RASGEF1A: variants seen among roughly 807,000 people sequenced by gnomAD.
The protein encoded by RASGEF1A is RasGEF domain family member 1A, also known as ras-GEF domain-containing family member 1A.
Under a neutral mutation model 56.4 loss-of-function variants are expected in RASGEF1A, and 18 were observed. The ratio of observed to expected loss-of-function variants is 0.32; its 90% CI spans 0.22 to 0.47. RASGEF1A has a LOEUF of 0.47. RASGEF1A is among the 20% of genes least tolerant of loss of function. The pLI is 1.00. For synonymous variants in RASGEF1A, 245 were observed against 242.6 expected (o/e 1.01, Z -0.09); for missense variants, 422 against 627.1 (o/e 0.67, Z 3.49).
chr10:43,257,314 C>T (rs191234612), intron 1 of RASGEF1A, among the ~76,000 whole-genome samples: 36 of 152,362 alleles, frequency 2.4e-4, no homozygotes, highest in Non-Finnish European at 5.0e-4. Context: ...GATTTGCATG[C>T]CCACCCTGGG....
intron 1 of RASGEF1A, among the ~76,000 whole-genome samples, chr10:43,238,181 A>C (rs546868264): frequency 6.7e-6 from 1 of 148,206 alleles, no homozygotes. Context: ...CAGGAGGGTT[A>C]GCCATGTCGA....
rs996974481 is a variant in RASGEF1A at position 43,229,504 on chromosome 10, G to A, written c.-6-23382C>T. 25 of 654,384 alleles carry A rather than the reference G, an allele frequency of 3.8e-5. No homozygotes were observed. In the African/African-American group the frequency reaches 4.6e-4, roughly 12 times the overall value. 40.5% of individuals were successfully genotyped at this position (654,384 alleles called of 1,614,324 possible). On this transcript the variant is annotated intron_variant, in intron 1 of 12. Coordinates refer to ENST00000395810, the MANE Select transcript of RASGEF1A (RefSeq NM_145313.4). ...GTGCTCCAGCGGGGACGCACAGAGG[G>A]CGGCGCGCGGGTCCTCAGGGCGGGC...
At position 43,196,646 on chromosome 10, in the gene RASGEF1A, G is replaced by T; in HGVS notation, c.1349-98C>A. The T allele has an allele frequency of 1.7e-6, 2 of 1,149,996 alleles. No homozygotes were observed. The highest frequency in any genetic ancestry group is 2.6e-6 in the Non-Finnish European group (2 of 771,602). The allele number at this position is 1,149,996 out of a possible 1,614,324, so 71.2% of individuals were successfully genotyped here. A position where few individuals can be genotyped will look rare whatever the true frequency, so the allele number is the denominator to read the frequency against. On this transcript the variant is annotated intron_variant, in intron 11 of 12. Transcript: ENST00000395810. This position sits in a 1 kb window ranked among gnomAD's most constrained non-coding sequence, Gnocchi z 4.6. ...GAGTACAGCCCAGCACAAGGGGACA[G>T]TGACCTCTGGCTGGGCTGAACACAG...
intron 1 of RASGEF1A, among the ~76,000 whole-genome samples, chr10:43,246,014 T>C (rs1840563807): frequency 6.6e-6 from 1 of 152,010 alleles, no homozygotes; most frequent in South Asian, 2.1e-4. Context: ...TCCTAAGAAA[T>C]ACACATACAC....
chr10:43,203,704 C>T (rs1839949728), intron 2 of RASGEF1A: 2 of 1,176,656 alleles, frequency 1.7e-6, no homozygotes, highest in East Asian at 1.2e-4. Context: ...CTCTGCCCCA[C>T]GCCACCATAG....
intron 1 of RASGEF1A, among the ~76,000 whole-genome samples, chr10:43,226,064 C>T (rs1315115431): frequency 6.6e-6 from 1 of 152,232 alleles, no homozygotes; most frequent in Non-Finnish European, 1.5e-5. Flanking sequence ...GACCACAAGA[C>T]ACCAGCTTTG....
At position 43,266,847 on chromosome 10, in the gene RASGEF1A, C is replaced by T. The variant is rs1184272902; in HGVS notation, c.-9G>A. ...GAGGGTCCGCGGCCGCTGCCTACCT[C>T]GGTCCGGGCCAGCGTCGCTCCCGCG... On this transcript the variant is annotated splice_region_variant and 5_prime_UTR_variant, in exon 1 of 13. Transcript: ENST00000395810. 6.9e-6 allele frequency: 1 copy of T among 145,946 alleles called. No homozygotes were observed. Among genetic ancestry groups the T allele is most frequent in the Non-Finnish European group, 1.5e-5 (1 of 65,770 alleles). 9.0% of individuals were successfully genotyped at this position (145,946 alleles called of 1,614,324 possible). A position where few individuals can be genotyped will look rare whatever the true frequency, so the allele number is the denominator to read the frequency against.
At chr10:43,217,520 T>G (rs137918476) in intron 1 of RASGEF1A, among the ~76,000 whole-genome samples, 104 of 152,360 alleles carry the variant, frequency 6.8e-4, no homozygotes, top group African/African-American at 2.4e-3. Context: ...CTACCACACC[T>G]AGGTCCTCCC....
intron 9 of RASGEF1A, among the ~76,000 whole-genome samples, chr10:43,198,531 T>G (rs1839837940): frequency 2.0e-5 from 3 of 152,194 alleles, no homozygotes; most frequent in Admixed American, 2.0e-4. Context: ...ACAAGACACA[T>G]GCTTTGCAAA....
At chr10:43,218,210 A>T (rs565428312) in intron 1 of RASGEF1A, among the ~76,000 whole-genome samples, 1 of 152,292 alleles carries the variant, frequency 6.6e-6, no homozygotes, top group African/African-American at 2.4e-5. Context: ...GCCTCCCTAG[A>T]CACACAGCTC....
chr10:43,250,258 G>T (rs1356290477), intron 1 of RASGEF1A, among the ~76,000 whole-genome samples: 1 of 152,220 alleles, frequency 6.6e-6, no homozygotes, highest in South Asian at 2.1e-4. Context: ...ACTACAGCTG[G>T]GGAGAGGAGG....
chr10:43,205,115 G>A (rs1839974501), intron 2 of RASGEF1A, among the ~76,000 whole-genome samples: 1 of 152,200 alleles, frequency 6.6e-6, no homozygotes, highest in South Asian at 2.1e-4. Context: ...GGAAGCTAGA[G>A]GGCAGCATCC....
chr10:43,226,046 G>C (rs976070649), intron 1 of RASGEF1A, among the ~76,000 whole-genome samples: 1 of 152,162 alleles, frequency 6.6e-6, no homozygotes, highest in Non-Finnish European at 1.5e-5. Flanking sequence ...GTTATTCCCC[G>C]AGGCTGAGAC....
At chr10:43,202,925 A>C (rs1839928174) in intron 3 of RASGEF1A, among the ~76,000 whole-genome samples, 1 of 64,848 alleles carries the variant, frequency 1.5e-5, no homozygotes. Flanking sequence ...CAGCCAGGCC[A>C]TGCCTAACCC....
chr10:43,253,934 C>T (rs1186756360), intron 1 of RASGEF1A, among the ~76,000 whole-genome samples: 4 of 152,216 alleles, frequency 2.6e-5, no homozygotes, highest in Non-Finnish European at 4.4e-5. Context: ...TGGCCACAGG[C>T]ACAGACCACA....
chr10:43,256,850 G>C (rs1029099331), intron 1 of RASGEF1A, among the ~76,000 whole-genome samples: 9 of 152,154 alleles, frequency 5.9e-5, no homozygotes, highest in African/African-American at 2.2e-4. Context: ...GTCCATCTTG[G>C]GGCCCAGCTG....
chr10:43,245,372 C>T (rs1226479050), intron 1 of RASGEF1A, among the ~76,000 whole-genome samples: 2 of 152,172 alleles, frequency 1.3e-5, no homozygotes, highest in East Asian at 3.8e-4. Context: ...TAACACCAAT[C>T]CCTTACAATG....
intron 1 of RASGEF1A, among the ~76,000 whole-genome samples, chr10:43,265,520 C>T (rs868001263): frequency 5.3e-5 from 8 of 152,364 alleles, no homozygotes; most frequent in Middle Eastern, 3.4e-3. Context: ...AACCCACCCA[C>T]GTGTCCCTGG....
At chr10:43,240,649 A>G (rs1204150579) in intron 1 of RASGEF1A, among the ~76,000 whole-genome samples, 2 of 152,200 alleles carry the variant, frequency 1.3e-5, no homozygotes, top group African/African-American at 4.8e-5. Flanking sequence ...ACTTGAAAAA[A>G]CGTCCATTGA....
Sources: gnomAD v4.1 joint callset for allele counts (sites outside exome capture counted in the v4.1 genomes callset) on GRCh38, gnomAD v4.1.1 for gene constraint, Gnocchi (gnomAD v3.1) non-coding constraint, MANE v1.5 for transcripts, NCBI Gene and HGNC (gene_info 2026-07-23, HGNC 2026-07-21) for gene names.